The following RNF43 variants were observed in gnomAD, a reference collection of about 807,000 sequenced individuals.
RNF43 encodes E3 ubiquitin-protein ligase RNF43.
A neutral mutation model predicts 78.4 loss-of-function variants in RNF43; 37 were observed. That is an observed-to-expected ratio of 0.47 (90% confidence interval 0.36 to 0.62). The LOEUF (loss-of-function observed/expected upper bound fraction) is 0.62. RNF43 is among the 20% of genes least tolerant of loss of function. RNF43 has a pLI of 0.00. For missense variants in RNF43, 774 were observed against 1,007.9 expected (o/e 0.77, Z 3.14); for synonymous variants, 347 against 395.0 (o/e 0.88, Z 1.44).
At chr17:58,364,439 G>C (rs548356977) in intron 3 of RNF43, among the ~76,000 whole-genome samples, 2 of 152,174 alleles carry the variant, frequency 1.3e-5, no homozygotes, top group Non-Finnish European at 2.9e-5. Context: ...AGCAGTGCCA[G>C]AAAGAGAACA....
At chr17:58,375,048 T>C (rs1973178847) in intron 2 of RNF43, among the ~76,000 whole-genome samples, 1 of 152,200 alleles carries the variant, frequency 6.6e-6, no homozygotes, top group African/African-American at 2.4e-5. Flanking sequence ...CTAACAATTC[T>C]ACCTCCTAAA....
chr17:58,361,269 A>G (rs1972829782), intron 6 of RNF43, among the ~76,000 whole-genome samples: 1 of 152,246 alleles, frequency 6.6e-6, no homozygotes, highest in African/African-American at 2.4e-5. Flanking sequence ...CCATGGGTTC[A>G]TCTCCAACCA....
At chr17:58,374,495 C>A (rs1598144168) in intron 2 of RNF43, among the ~76,000 whole-genome samples, 1 of 151,754 alleles carries the variant, frequency 6.6e-6, no homozygotes. Context: ...TGGGTTCAAG[C>A]AATTCTCCTG....
chr17:58,406,586 A>C (rs1184430839), intron 2 of RNF43, among the ~76,000 whole-genome samples: 1 of 152,186 alleles, frequency 6.6e-6, no homozygotes, highest in African/African-American at 2.4e-5. Flanking sequence ...AAGAAACTTG[A>C]CCACAAGAAT....
At chr17:58,390,082 A>T (rs918385110) in intron 2 of RNF43, among the ~76,000 whole-genome samples, 1 of 152,300 alleles carries the variant, frequency 6.6e-6, no homozygotes, top group Non-Finnish European at 1.5e-5. Flanking sequence ...CAAGCTCTGC[A>T]CTCTTTTATT....
intron 3 of RNF43, among the ~76,000 whole-genome samples, chr17:58,364,707 T>G (rs1972913020): frequency 6.6e-6 from 1 of 152,148 alleles, no homozygotes; most frequent in Non-Finnish European, 1.5e-5. Flanking sequence ...ACCCCCAAAG[T>G]CTCTGGGGTC....
Position 58,359,992 on chromosome 17 carries a change from C to G in RNF43, c.952+157G>C, listed in dbSNP as rs563255153. 3.3e-5 allele frequency among the ~76,000 whole-genome samples: 5 copies of G among 152,142 alleles called. No homozygotes were observed. In the East Asian group the frequency reaches 5.8e-4, roughly 18 times the overall value. ...TATTTACATTTTGAATGACGCTTCC[C>G]CTCGAGTGAGGCACTCTGGAGCAGT... On this transcript the variant is annotated intron_variant, in intron 8 of 9. Coordinates refer to ENST00000407977, the MANE Select transcript of RNF43 (RefSeq NM_017763.6).
chr17:58,364,138 C>CA (rs1972901291), intron 3 of RNF43, among the ~76,000 whole-genome samples: 4 of 152,218 alleles, frequency 2.6e-5, no homozygotes, highest in Admixed American at 2.6e-4. Context: ...ACGCCACTCT[C>CA]ACGCAAGGCC....
At chr17:58,363,495 C>T (rs1972885017) in intron 4 of RNF43, 31 bp downstream of exon 4, 1 of 1,611,238 alleles carries the variant, frequency 6.2e-7, no homozygotes, top group Admixed American at 1.7e-5. Flanking sequence ...CATCCAGCCC[C>T]CACCTTGAAC....
At chr17:58,363,044 C>A in intron 5 of RNF43, 1 of 570,690 alleles carries the variant, frequency 1.8e-6, no homozygotes, top group Non-Finnish European at 3.1e-6. Flanking sequence ...CATGAAGCCA[C>A]AGAGCTGTAA....
At chr17:58,366,983 G>T (rs1329192850) in intron 3 of RNF43, among the ~76,000 whole-genome samples, 1 of 147,496 alleles carries the variant, frequency 6.8e-6, no homozygotes. Flanking sequence ...ACACCACAAG[G>T]CCCGGCTAAT....
rs1461214144 is a variant in RNF43 at position 58,357,591 on chromosome 17, G to A, written c.2185C>T (p.Leu729=). The A allele has an allele frequency of 6.2e-7, 1 of 1,614,194 alleles. No homozygotes were observed. The highest frequency in any genetic ancestry group is 1.7e-5 in the Admixed American group (1 of 60,038). ...GGTTCCAGGGGCTGGCGAGGAGTCA[G>A]GCACAACCACACTGGCTGTGAATTT... ...YSNSQPVWLC[L]TPRQPLEPHP... Residue 729 remains leucine, a synonymous_variant, in exon 9 of 10, where the codon CTG becomes TTG. Transcript: ENST00000407977. This position sits in a 1 kb window ranked among gnomAD's most constrained non-coding sequence, Gnocchi z 4.5.
chr17:58,377,347 C>T (rs935177243), intron 2 of RNF43, among the ~76,000 whole-genome samples: 3 of 152,166 alleles, frequency 2.0e-5, no homozygotes, highest in Non-Finnish European at 4.4e-5. Context: ...ACCCCTCCCC[C>T]GTTCTTTGGT....
At chr17:58,404,202 C>T (rs1411331655) in intron 2 of RNF43, among the ~76,000 whole-genome samples, 1 of 152,084 alleles carries the variant, frequency 6.6e-6, no homozygotes, top group Non-Finnish European at 1.5e-5. Flanking sequence ...TTTCTATCAC[C>T]TACCAAACAA....
chr17:58,390,085 C>G (rs1973518878), intron 2 of RNF43, among the ~76,000 whole-genome samples: 1 of 152,160 alleles, frequency 6.6e-6, no homozygotes, highest in Non-Finnish European at 1.5e-5. Context: ...GCTCTGCACT[C>G]TTTTATTTTA....
At chr17:58,361,263 G>C (rs11079348) in intron 6 of RNF43, among the ~76,000 whole-genome samples, 1 of 152,048 alleles carries the variant, frequency 6.6e-6, no homozygotes. Context: ...TATTAACCAT[G>C]GGTTCATCTC....
chr17:58,410,086 T>G (rs1973997050), intron 2 of RNF43, among the ~76,000 whole-genome samples: 1 of 144,312 alleles, frequency 6.9e-6, no homozygotes, highest in African/African-American at 2.6e-5. Flanking sequence ...CAGGGACATA[T>G]TTCATTCATT....
At chr17:58,402,750 T>C (rs1206170185) in intron 2 of RNF43, 1 of 152,220 alleles carries the variant, frequency 6.6e-6, no homozygotes, top group Non-Finnish European at 1.5e-5. Flanking sequence ...GGTGGTTGTG[T>C]CTCTTTATGC....
At chr17:58,407,849 G>A (rs543178037) in intron 2 of RNF43, among the ~76,000 whole-genome samples, 5 of 152,214 alleles carry the variant, frequency 3.3e-5, no homozygotes, top group South Asian at 4.1e-4. Context: ...AAGCCACGAC[G>A]GTTCTACTAA....
Sources: allele counts gnomAD v4.1 joint callset (sites outside exome capture counted in the v4.1 genomes callset), GRCh38; gene constraint gnomAD v4.1.1; non-coding constraint Gnocchi (gnomAD v3.1); transcripts MANE v1.5; gene names NCBI Gene and HGNC (gene_info 2026-07-23, HGNC 2026-07-21).